TNNI1: variants seen among roughly 807,000 people sequenced by gnomAD.
The protein encoded by TNNI1 is troponin I1, slow skeletal type, also known as troponin I, slow skeletal muscle.
TNNI1 carries 14 observed loss-of-function variants against 26.7 expected under a neutral mutation model. The observed-to-expected ratio is 0.52, with a 90% confidence interval of 0.35 to 0.82. The LOEUF is 0.82. TNNI1 is among the 40% of genes least tolerant of loss of function. The probability of loss-of-function intolerance (pLI) is 0.01; values close to 1 mark genes in which losing one functional copy is unlikely to be tolerated. For missense variants in TNNI1, 164 were observed against 257.0 expected (o/e 0.64, Z 2.47); for synonymous variants, 79 against 98.2 (o/e 0.80, Z 1.16).
At chr1:201,417,236 G>A in intron 2 of TNNI1, 117 bp from the exon 3 acceptor site, 1 of 1,369,738 alleles carries the variant, frequency 7.3e-7, no homozygotes, top group Non-Finnish European at 1.0e-6. Flanking sequence ...GGAGGAGGGG[G>A]CCAGTGACAA....
At chr1:201,414,006 T>C (rs891348952) in intron 5 of TNNI1, among the ~76,000 whole-genome samples, 3 of 152,224 alleles carry the variant, frequency 2.0e-5, no homozygotes, top group African/African-American at 7.2e-5. Context: ...ATTTTAGACA[T>C]TTTGAAAACT....
chr1:201,420,218 A>C (rs1662829356), intron 1 of TNNI1, among the ~76,000 whole-genome samples: 1 of 152,128 alleles, frequency 6.6e-6, no homozygotes, highest in African/African-American at 2.4e-5. Context: ...AGCCTGCCTC[A>C]CTGACAAATG....
At chr1:201,410,479 CG>C (rs1558280545) in intron 7 of TNNI1, 44 bp from the exon 8 acceptor site, 1 of 1,557,610 alleles carries the variant, frequency 6.4e-7, no homozygotes, top group Non-Finnish European at 8.9e-7. Context: ...CCAGGCTGGA[CG>C]GCCCCCCAGC....
intron 6 of TNNI1, among the ~76,000 whole-genome samples, chr1:201,412,585 C>A (rs1007717424): frequency 4.6e-5 from 7 of 152,182 alleles, no homozygotes; most frequent in African/African-American, 1.4e-4. Context: ...GCACTGGTCC[C>A]AGGACCACCA....
At chr1:201,415,280 G>A in intron 3 of TNNI1, 26 bp from the exon 4 acceptor site, 1 of 1,613,530 alleles carries the variant, frequency 6.2e-7, no homozygotes, top group Non-Finnish European at 8.5e-7. Context: ...GAGAGAGACA[G>A]GTGGTGAGGC....
Position 201,411,325 on chromosome 1 carries a change from A to T in TNNI1, c.456+32T>A. The T allele has an allele frequency of 1.9e-6, 3 of 1,608,590 alleles. No homozygotes were observed. Among genetic ancestry groups the T allele is most frequent in the Non-Finnish European group, 2.5e-6 (3 of 1,177,864 alleles). On this transcript the variant is annotated intron_variant, in intron 7 of 8. Coordinates refer to ENST00000361379, the MANE Select transcript of TNNI1 (RefSeq NM_003281.4). The surrounding 1 kb of genome is among the most constrained non-coding windows in gnomAD (Gnocchi z 4.6). ...GACAAGGGGAAAGCTGGTAGGGCAG[A>T]GGGTGGAATGTTCTGAGGAAAGGGA...
At chr1:201,417,606 G>A (rs573171374) in intron 2 of TNNI1, 177 bp downstream of exon 2, 1 of 494,360 alleles carries the variant, frequency 2.0e-6, no homozygotes, top group East Asian at 3.5e-5. Flanking sequence ...TCTGCTCAAT[G>A]GCTGGGAGGA....
chr1:201,406,647 C>T lies in TNNI1; in HGVS notation c.*2606G>A, dbSNP rs796973074. On this transcript the variant is annotated 3_prime_UTR_variant, in exon 9 of 9. Transcript: ENST00000361379. ...GTGTTGTCTCCATGGTGAGAGAAGACTGGAGTAGAATCAGGGCTCTCCAGA... is the reference window on the plus strand; with the variant it reads ...GTGTTGTCTCCATGGTGAGAGAAGATTGGAGTAGAATCAGGGCTCTCCAGA... The T allele has an allele frequency of 2.0e-5, 3 of 152,328 alleles. No homozygotes were observed. The highest frequency in any genetic ancestry group is 7.2e-5 in the African/African-American group (3 of 41,566). 9.4% of individuals were successfully genotyped at this position (152,328 alleles called of 1,614,324 possible).
intron 8 of TNNI1, 111 bp downstream of exon 8, chr1:201,410,215 G>T: frequency 1.1e-6 from 1 of 883,224 alleles, no homozygotes; most frequent in Non-Finnish European, 1.8e-6. Flanking sequence ...CGGTGCCTTA[G>T]TCCGTGCATC....
intron 1 of TNNI1, among the ~76,000 whole-genome samples, chr1:201,418,467 CA>C (rs4019987): frequency 0.22 from 21,957 of 101,976 alleles, 1,701 homozygotes; most frequent in East Asian, 0.43. Context: ...GTCTCCTTCT[CA>C]AAAAAAAAAA....
chr1:201,405,254 TG>T lies in TNNI1; in HGVS notation c.*3998del, dbSNP rs1343584067. 21 of 152,792 alleles carry T rather than the reference TG, an allele frequency of 1.4e-4. No individual in the cohort carries two copies. Among genetic ancestry groups the T allele is most frequent in the African/African-American group, 5.1e-4 (21 of 41,460 alleles). The allele number at this position is 152,792 out of a possible 1,614,324, so 9.5% of individuals were successfully genotyped here. A position where few individuals can be genotyped will look rare whatever the true frequency, so the allele number is the denominator to read the frequency against. The stretch of plus-strand genomic sequence containing the variant: ...CCTTCGGACATTGACCGCAGTGCTC[TG>T]GGCCAGTGCTATGGGGTTTTCGAGG... On this transcript the variant is annotated 3_prime_UTR_variant, in exon 9 of 9. Coordinates refer to ENST00000361379, the MANE Select transcript of TNNI1 (RefSeq NM_003281.4).
chr1:201,420,986 G>T (rs757992806), intron 1 of TNNI1, among the ~76,000 whole-genome samples: 1 of 152,074 alleles, frequency 6.6e-6, no homozygotes. Flanking sequence ...CCAAAATGCC[G>T]CCACCATTGC....
At chr1:201,418,937 C>G (rs529971373) in intron 1 of TNNI1, among the ~76,000 whole-genome samples, 105 of 152,120 alleles carry the variant, frequency 6.9e-4, no homozygotes, top group Non-Finnish European at 1.3e-3. Context: ...TAAATTCAAT[C>G]AGTAAAAGCA....
chr1:201,411,633 C>G lies in TNNI1; in HGVS notation c.280-100G>C. 7.9e-7 allele frequency: 1 copy of G among 1,258,074 alleles called. No homozygotes were observed. Among genetic ancestry groups the G allele is most frequent in the South Asian group, 1.8e-5 (1 of 55,082 alleles). The allele number at this position is 1,258,074 out of a possible 1,614,324, so 77.9% of individuals were successfully genotyped here. A position where few individuals can be genotyped will look rare whatever the true frequency, so the allele number is the denominator to read the frequency against. Reference sequence around the variant, plus strand: ...TGCTAGGGTTCCAGCCAGAGATACACCTTAAATTGTCCACCCTTGAAGCCA... The same window carrying G: ...TGCTAGGGTTCCAGCCAGAGATACAGCTTAAATTGTCCACCCTTGAAGCCA... On this transcript the variant is annotated intron_variant, in intron 6 of 8. Coordinates refer to ENST00000361379, the MANE Select transcript of TNNI1 (RefSeq NM_003281.4). This position sits in a 1 kb window ranked among gnomAD's most constrained non-coding sequence, Gnocchi z 4.6.
intron 3 of TNNI1, 87 bp from the exon 4 acceptor site, chr1:201,415,341 G>A (rs937282236): frequency 2.9e-6 from 4 of 1,389,628 alleles, no homozygotes; most frequent in Non-Finnish European, 4.1e-6. Flanking sequence ...GTGCCAGCCA[G>A]CGTTCTCTAT....
intron 8 of TNNI1, chr1:201,409,882 A>G (rs1162287274): frequency 6.5e-6 from 1 of 154,740 alleles, no homozygotes; most frequent in African/African-American, 2.4e-5. Context: ...AGATTCTCAG[A>G]AAGTCAGAGA....
intron 1 of TNNI1, among the ~76,000 whole-genome samples, chr1:201,420,521 G>A (rs934018753): frequency 6.6e-6 from 1 of 152,186 alleles, no homozygotes; most frequent in Non-Finnish European, 1.5e-5. Flanking sequence ...GGGACTATCC[G>A]CTAGACTATG....
At chr1:201,421,392 G>A (rs1662853942) in intron 1 of TNNI1, among the ~76,000 whole-genome samples, 1 of 152,112 alleles carries the variant, frequency 6.6e-6, no homozygotes, top group Non-Finnish European at 1.5e-5. Flanking sequence ...GCTCTGCCCT[G>A]GGGCTCCTAA....
At chr1:201,415,130 ATCC>A in intron 4 of TNNI1, 80 bp downstream of exon 4, 2 of 1,273,190 alleles carry the variant, frequency 1.6e-6, no homozygotes, top group Non-Finnish European at 2.3e-6. Context: ...CCTTGCCATA[ATCC>A]TCCACATCCC....
Sources: allele counts gnomAD v4.1 joint callset (sites outside exome capture counted in the v4.1 genomes callset), GRCh38; gene constraint gnomAD v4.1.1; non-coding constraint Gnocchi (gnomAD v3.1); transcripts MANE v1.5; gene names NCBI Gene and HGNC (gene_info 2026-07-23, HGNC 2026-07-21).